CEP112: variants seen among roughly 807,000 people sequenced by gnomAD.
The protein encoded by CEP112 is centrosomal protein of 112 kDa.
A neutral mutation model predicts 153.0 loss-of-function variants in CEP112; 127 were observed. The ratio of observed to expected loss-of-function variants is 0.83; its 90% confidence interval spans 0.72 to 0.96. The LOEUF (loss-of-function observed/expected upper bound fraction) is 0.96, where lower values mean the gene tolerates loss of function less well. Among genes scored for constraint, CEP112 ranks in the 40% least tolerant of loss-of-function variants. The pLI is 0.00. For synonymous variants in CEP112, 358 were observed against 374.4 expected (o/e 0.96, Z 0.51); for missense variants, 1,089 against 1,101.2 (o/e 0.99, Z 0.16).
At position 66,092,356 on chromosome 17, in the gene CEP112, A is replaced by AACACACACACACACAC. The variant is rs3056819; in HGVS notation, c.768+3879_768+3894dup. On this transcript the variant is annotated intron_variant, in intron 8 of 26. Coordinates refer to ENST00000535342, the MANE Select transcript of CEP112 (RefSeq NM_001199165.4). ...AGTCCGGCCTTGAAGCATTAATTTA[A>AACACACACACACACAC]ACACACACACACACACACACACACA... is the stretch of plus-strand genomic sequence containing the variant. Among the ~76,000 whole-genome samples, 1,270 of 135,094 alleles carry AACACACACACACACAC rather than the reference A, an allele frequency of 9.4e-3. 20 individuals are homozygous for AACACACACACACACAC. The highest frequency in any genetic ancestry group is 0.065 in the East Asian group (290 of 4,442). 88.6% of individuals were successfully genotyped at this position (135,094 alleles called of 152,430 possible).
intron 19 of CEP112, among the ~76,000 whole-genome samples, chr17:65,924,880 T>C (rs1247729601): frequency 6.6e-6 from 1 of 152,186 alleles, no homozygotes; most frequent in African/African-American, 2.4e-5. Flanking sequence ...AAAGCCTCTG[T>C]GTTTTGTTTC....
chr17:65,649,754 T>A (rs1350211760), intron 24 of CEP112, among the ~76,000 whole-genome samples: 2 of 151,574 alleles, frequency 1.3e-5, no homozygotes, highest in Non-Finnish European at 2.9e-5. Context: ...AATATTACTT[T>A]ACAAAGCCCA....
At chr17:65,675,685 A>C (rs7212278) in intron 24 of CEP112, among the ~76,000 whole-genome samples, 3,504 of 152,134 alleles carry the variant, frequency 0.023, 114 homozygotes, top group African/African-American at 0.08. Flanking sequence ...AAAAATCCTA[A>C]ACAAAATATT....
In CEP112 at chr17:65,965,254, T is replaced by C. The variant is rs147956880; in HGVS notation, c.1737-3656A>G. Among the ~76,000 whole-genome samples, 14 of 152,330 alleles carry C rather than the reference T, an allele frequency of 9.2e-5. No individual in the cohort carries two copies. The East Asian group carries it at 2.7e-3, about 29-fold the overall frequency. On this transcript the variant is annotated intron_variant, in intron 17 of 26. Coordinates refer to ENST00000535342, the MANE Select transcript of CEP112 (RefSeq NM_001199165.4). Reference sequence around the variant, plus strand: ...GATAATTAGAGGCCATTTTAAAATATGAAAACCTTGCACAATAAGGCACAT... The same window carrying C: ...GATAATTAGAGGCCATTTTAAAATACGAAAACCTTGCACAATAAGGCACAT...
intron 6 of CEP112, among the ~76,000 whole-genome samples, chr17:66,098,551 A>G (rs1231417768): frequency 6.6e-6 from 1 of 152,224 alleles, no homozygotes; most frequent in Non-Finnish European, 1.5e-5. Context: ...AGAAGTCATA[A>G]CATTTATAAT....
chr17:65,705,741 T>C (rs1159674524), intron 23 of CEP112, among the ~76,000 whole-genome samples: 1 of 152,186 alleles, frequency 6.6e-6, no homozygotes, highest in East Asian at 1.9e-4. Flanking sequence ...TGAAAAGACA[T>C]GAGAGCTGTA....
intron 21 of CEP112, among the ~76,000 whole-genome samples, chr17:65,792,589 A>AG (rs993591099): frequency 1.3e-5 from 2 of 151,892 alleles, no homozygotes; most frequent in African/African-American, 4.8e-5. Context: ...CTCTTTAAAA[A>AG]AAAAAGTAAA....
rs181190658 is a variant in CEP112 at position 65,712,496 on chromosome 17, T to C, written c.2608-23278A>G. Reference sequence around the variant, plus strand: ...AATAGTTTCAAGTACTTTTGATTTATGGCATATTAAAAATGCTTGCAGAAA... The same window carrying C: ...AATAGTTTCAAGTACTTTTGATTTACGGCATATTAAAAATGCTTGCAGAAA... On this transcript the variant is annotated intron_variant, in intron 23 of 26. Transcript: ENST00000535342. Among the ~76,000 whole-genome samples, 381 of 151,580 alleles carry C rather than the reference T, an allele frequency of 2.5e-3. 1 individual carries two copies. The highest frequency in any genetic ancestry group is 8.4e-3 in the African/African-American group (343 of 40,888).
chr17:65,764,277 T>C (rs2052799802), intron 21 of CEP112, among the ~76,000 whole-genome samples: 1 of 152,256 alleles, frequency 6.6e-6, no homozygotes, highest in South Asian at 2.1e-4. Flanking sequence ...CCATTTTGTC[T>C]AAAGCACAAT....
chr17:65,816,939 C>A (rs2056302266), intron 21 of CEP112, among the ~76,000 whole-genome samples: 1 of 151,874 alleles, frequency 6.6e-6, no homozygotes, highest in African/African-American at 2.4e-5. Context: ...ATTCATTATT[C>A]CTAAACTAAT....
intron 23 of CEP112, among the ~76,000 whole-genome samples, chr17:65,701,897 T>TG (rs2048654753): frequency 1.3e-5 from 2 of 149,414 alleles, no homozygotes; most frequent in Non-Finnish European, 3.0e-5. Flanking sequence ...TTTTTTTTTT[T>TG]GTTTTTTTTT....
chr17:65,987,651 G>T (rs1312937891), intron 17 of CEP112, among the ~76,000 whole-genome samples: 2 of 151,504 alleles, frequency 1.3e-5, no homozygotes, highest in Non-Finnish European at 2.9e-5. Context: ...CAAACAGACA[G>T]CACTGAGATT....
chr17:66,158,369 T>G (rs1477769519), intron 4 of CEP112, among the ~76,000 whole-genome samples: 1 of 152,100 alleles, frequency 6.6e-6, no homozygotes, highest in African/African-American at 2.4e-5. Context: ...TCCCAGCACT[T>G]TGGGAGGCCG....
At chr17:65,935,913 A>C (rs1479640360) in intron 18 of CEP112, among the ~76,000 whole-genome samples, 1 of 152,038 alleles carries the variant, frequency 6.6e-6, no homozygotes, top group Non-Finnish European at 1.5e-5. Context: ...ATCAGAGCAG[A>C]AAAAAATGAA....
chr17:66,010,690 G>T (rs1352079587), intron 16 of CEP112, among the ~76,000 whole-genome samples: 5 of 152,144 alleles, frequency 3.3e-5, no homozygotes, highest in African/African-American at 4.8e-5. Flanking sequence ...TTTATCAAAA[G>T]CCTTTTCTGC....
intron 19 of CEP112, among the ~76,000 whole-genome samples, chr17:65,916,056 C>T (rs560737601): frequency 4.8e-4 from 73 of 152,126 alleles, no homozygotes; most frequent in Non-Finnish European, 9.7e-4. Context: ...TCCTCCTTCA[C>T]TTCATCCAGG....
intron 20 of CEP112, among the ~76,000 whole-genome samples, chr17:65,895,929 T>C (rs1017640130): frequency 1.3e-5 from 2 of 152,074 alleles, no homozygotes; most frequent in Non-Finnish European, 2.9e-5. Flanking sequence ...AGTGATCATA[T>C]TTTACTCCCT....
chr17:66,126,449 T>A (rs1273364048), intron 6 of CEP112, among the ~76,000 whole-genome samples: 1 of 152,130 alleles, frequency 6.6e-6, no homozygotes, highest in Non-Finnish European at 1.5e-5. Flanking sequence ...CCTCCATCCA[T>A]GCAAGCACTC....
chr17:65,909,146 T>C (rs1027686348), intron 19 of CEP112, among the ~76,000 whole-genome samples: 41 of 152,324 alleles, frequency 2.7e-4, no homozygotes, highest in African/African-American at 9.6e-4. Context: ...ATGTCAGGAA[T>C]GCCAGTGCTA....
Sources: allele counts gnomAD v4.1 joint callset (sites outside exome capture counted in the v4.1 genomes callset), GRCh38; gene constraint gnomAD v4.1.1; transcripts MANE v1.5; gene names NCBI Gene and HGNC (gene_info 2026-07-23, HGNC 2026-07-21).